The following WFDC2 variants were observed in gnomAD, a reference collection of about 807,000 sequenced individuals.
WFDC2 encodes the protein WAP four-disulfide core domain protein 2.
Under a neutral mutation model 12.5 loss-of-function variants are expected in WFDC2, and 8 were observed. The ratio of observed to expected loss-of-function variants is 0.64; its 90% CI spans 0.37 to 1.15. WFDC2 has a LOEUF of 1.15. Ranked by LOEUF, WFDC2 falls within the 50% of genes most tolerant of loss-of-function variation. The pLI is 0.01. For missense variants in WFDC2, 166 were observed against 159.9 expected (o/e 1.04, Z -0.21); for synonymous variants, 74 against 67.2 (o/e 1.10, Z -0.49).
In WFDC2 at chr20:45,470,105, G is replaced by A. The variant is rs996100268; in HGVS notation, c.79+245G>A. Reference sequence around the variant, plus strand: ...ACTCCGTGGCTGCAGTGGGCTGGGGGTGGGGGCTGCTCTGCCTCGACCTCG... The same window carrying A: ...ACTCCGTGGCTGCAGTGGGCTGGGGATGGGGGCTGCTCTGCCTCGACCTCG... On this transcript the variant is annotated intron_variant, in intron 1 of 3. Coordinates refer to ENST00000372676, the MANE Select transcript of WFDC2 (RefSeq NM_006103.4). This position sits in a 1 kb window ranked among gnomAD's most constrained non-coding sequence, Gnocchi z 5.4. Among the ~76,000 whole-genome samples, 3 of 152,176 alleles carry A rather than the reference G, an allele frequency of 2.0e-5. No individual in the cohort carries two copies. The highest frequency in any genetic ancestry group is 4.4e-5 in the Non-Finnish European group (3 of 68,026).
At position 45,469,776 on chromosome 20, in the gene WFDC2, A is replaced by AT; in HGVS notation, c.-6_-5insT. The AT allele has an allele frequency of 2.5e-6, 4 of 1,607,052 alleles. No homozygotes were observed. The highest frequency in any genetic ancestry group is 3.4e-6 in the Non-Finnish European group (4 of 1,177,102). ...TCACACCTGCACCCCGCCCGGGCAT[A>AT]GCACCATGCCTGCTTGTCGCCTAGG... On this transcript the variant is annotated 5_prime_UTR_variant, in exon 1 of 4. It adds an upstream start codon to the 5' untranslated region. Transcript: ENST00000372676.
rs1991162352 is a variant in WFDC2 at position 45,470,837 on chromosome 20, G to T, written c.223+305G>T. Among the ~76,000 whole-genome samples the T allele has an allele frequency of 6.6e-6, 1 of 152,136 alleles. No individual in the cohort carries two copies. Among genetic ancestry groups the T allele is most frequent in the Non-Finnish European group, 1.5e-5 (1 of 68,002 alleles). On this transcript the variant is annotated intron_variant, in intron 2 of 3. Coordinates refer to ENST00000372676, the MANE Select transcript of WFDC2 (RefSeq NM_006103.4). This position sits in a 1 kb window ranked among gnomAD's most constrained non-coding sequence, Gnocchi z 5.4. ...CCCCGCGGCCTGGGGACCCGGGGCCGCAGTTTCCTTCTCGAACCGGCCGAA... is the reference window on the plus strand; with the variant it reads ...CCCCGCGGCCTGGGGACCCGGGGCCTCAGTTTCCTTCTCGAACCGGCCGAA...
intron 2 of WFDC2, among the ~76,000 whole-genome samples, chr20:45,478,322 G>A (rs1328357145): frequency 6.6e-6 from 1 of 152,192 alleles, no homozygotes. Context: ...TGGTCTGTGG[G>A]TTGTGAAGAC....
chr20:45,478,295 C>G (rs966095425), intron 2 of WFDC2, among the ~76,000 whole-genome samples: 16 of 152,154 alleles, frequency 1.1e-4, no homozygotes, highest in African/African-American at 3.9e-4. Context: ...GTGGTGTAGG[C>G]ACCCAAAGGA....
At chr20:45,479,276 G>A (rs1991271200) in intron 2 of WFDC2, among the ~76,000 whole-genome samples, 1 of 152,204 alleles carries the variant, frequency 6.6e-6, no homozygotes, top group Non-Finnish European at 1.5e-5. Flanking sequence ...TACACTTTAA[G>A]TGGCAGCATA....
In WFDC2 at chr20:45,470,579, C is replaced by T; in HGVS notation, c.223+47C>T. ...GGGAACGGGGCGGGGCCGCGCTGGGCTGGGAGGAGGTGGGAGGGCCCGGGT... is the reference window on the plus strand; with the variant it reads ...GGGAACGGGGCGGGGCCGCGCTGGGTTGGGAGGAGGTGGGAGGGCCCGGGT... On this transcript the variant is annotated intron_variant, in intron 2 of 3. Coordinates refer to ENST00000372676, the MANE Select transcript of WFDC2 (RefSeq NM_006103.4). This position sits in a 1 kb window ranked among gnomAD's most constrained non-coding sequence, Gnocchi z 5.4. 1.3e-6 allele frequency: 2 copies of T among 1,524,878 alleles called. No homozygotes were observed. The highest frequency in any genetic ancestry group is 1.8e-6 in the Non-Finnish European group (2 of 1,131,464). 94.5% of individuals were successfully genotyped at this position (1,524,878 alleles called of 1,614,324 possible).
At chr20:45,479,176 T>A (rs940634504) in intron 2 of WFDC2, among the ~76,000 whole-genome samples, 2 of 152,030 alleles carry the variant, frequency 1.3e-5, no homozygotes, top group East Asian at 3.9e-4. Flanking sequence ...ATTTGGAGGG[T>A]CATGGTGCTG....
rs1376092244 is a variant in WFDC2 at position 45,470,167 on chromosome 20, G to A, written c.80-222G>A. On this transcript the variant is annotated intron_variant, in intron 1 of 3. Coordinates refer to ENST00000372676, the MANE Select transcript of WFDC2 (RefSeq NM_006103.4). This position sits in a 1 kb window ranked among gnomAD's most constrained non-coding sequence, Gnocchi z 5.4. ...ACGCTCAGCTGTGCGGCGTCCCCTA[G>A]GGCTGAGATCTGAGGGCCCCGACGC... 6.6e-6 allele frequency among the ~76,000 whole-genome samples: 1 copy of A among 152,142 alleles called. No individual in the cohort carries two copies. The highest frequency in any genetic ancestry group is 2.4e-5 in the African/African-American group (1 of 41,432).
intron 3 of WFDC2, among the ~76,000 whole-genome samples, chr20:45,480,866 A>C (rs1991293767): frequency 6.6e-6 from 1 of 152,242 alleles, no homozygotes. Context: ...TGCCAACTGC[A>C]TGGATAGGCT....
At chr20:45,471,369 G>T in intron 2 of WFDC2, 1 of 335,078 alleles carries the variant, frequency 3.0e-6, no homozygotes, top group Non-Finnish European at 6.1e-6. Flanking sequence ...GTTCTCCAGA[G>T]GAAAATGCTG....
chr20:45,476,172 A>G (rs1600848117), intron 2 of WFDC2, among the ~76,000 whole-genome samples: 1 of 152,314 alleles, frequency 6.6e-6, no homozygotes, highest in Non-Finnish European at 1.5e-5. Flanking sequence ...TAGCCTGTTT[A>G]CATTTAAGGT....
chr20:45,476,580 C>T (rs983462593), intron 2 of WFDC2, among the ~76,000 whole-genome samples: 1 of 152,216 alleles, frequency 6.6e-6, no homozygotes, highest in South Asian at 2.1e-4. Context: ...GTAACCCAAC[C>T]TTTCTCTCTG....
In WFDC2 at chr20:45,470,472, T is replaced by G; in HGVS notation, c.163T>G (p.Cys55Gly). ...CTQECVSDSE[C>G]ADNLKCCSAG... ...GCAAGAGTGCGTCTCGGACAGCGAA[T>G]GCGCCGACAACCTCAAGTGCTGCAG... is the stretch of plus-strand genomic sequence containing the variant. Residue 55 changes from cysteine to glycine, a missense_variant, in exon 2 of 4, where the codon TGC becomes GGC. Transcript: ENST00000372676. The surrounding 1 kb of genome is among the most constrained non-coding windows in gnomAD (Gnocchi z 5.4). 1 of 1,597,198 alleles carries G rather than the reference T, an allele frequency of 6.3e-7. No homozygotes were observed. The highest frequency in any genetic ancestry group is 8.5e-7 in the Non-Finnish European group (1 of 1,171,444).
chr20:45,471,211 C>A (rs1295233737), intron 2 of WFDC2: 2 of 469,106 alleles, frequency 4.3e-6, no homozygotes, highest in African/African-American at 4.0e-5. Flanking sequence ...CTGTATCGCC[C>A]TTCGTCGTCT....
intron 2 of WFDC2, chr20:45,479,626 C>A: frequency 6.5e-7 from 1 of 1,537,702 alleles, no homozygotes; most frequent in Non-Finnish European, 9.0e-7. Flanking sequence ...TCACAACAAC[C>A]CTATGTTGTA....
chr20:45,474,869 C>T (rs6073749), intron 2 of WFDC2, among the ~76,000 whole-genome samples: 10,668 of 152,142 alleles, frequency 0.07, 505 homozygotes, highest in Admixed American at 0.13. Flanking sequence ...TGTTATTGGT[C>T]GATTCAGGGA....
chr20:45,478,832 T>C (rs538143144), intron 2 of WFDC2, among the ~76,000 whole-genome samples: 205 of 152,174 alleles, frequency 1.3e-3, no homozygotes, highest in Middle Eastern at 6.8e-3. Flanking sequence ...TCTCGAGTCC[T>C]GACCTCCGAT....
Position 45,470,270 on chromosome 20 carries a change from G to C in WFDC2, c.80-119G>C. 7.3e-7 allele frequency: 1 copy of C among 1,374,994 alleles called. No individual in the cohort carries two copies. The highest frequency in any genetic ancestry group is 9.6e-7 in the Non-Finnish European group (1 of 1,037,482). 85.2% of individuals were successfully genotyped at this position (1,374,994 alleles called of 1,614,324 possible). A position where few individuals can be genotyped will look rare whatever the true frequency, so the allele number is the denominator to read the frequency against. On this transcript the variant is annotated intron_variant, in intron 1 of 3. Coordinates refer to ENST00000372676, the MANE Select transcript of WFDC2 (RefSeq NM_006103.4). The surrounding 1 kb of genome is among the most constrained non-coding windows in gnomAD (Gnocchi z 5.4). ...AGAAGGAGTCTCTGGGGGCTGTAAG[G>C]GGACTCCTAGGGCCAGAGACTGAGA...
chr20:45,477,214 C>T (rs568298015), intron 2 of WFDC2, among the ~76,000 whole-genome samples: 1 of 152,202 alleles, frequency 6.6e-6, no homozygotes, highest in African/African-American at 2.4e-5. Context: ...CAGTTTTGTT[C>T]CCTTGCTGGC....
Sources: allele counts gnomAD v4.1 joint callset (sites outside exome capture counted in the v4.1 genomes callset), GRCh38; gene constraint gnomAD v4.1.1; non-coding constraint Gnocchi (gnomAD v3.1); transcripts MANE v1.5; gene names NCBI Gene and HGNC (gene_info 2026-07-23, HGNC 2026-07-21).